Variants in EPSTI1 observed in about 807,000 individuals in gnomAD.
EPSTI1 encodes the protein epithelial stromal interaction 1, also known as epithelial-stromal interaction protein 1.
A neutral mutation model predicts 49.9 loss-of-function variants in EPSTI1; 66 were observed. The ratio of observed to expected loss-of-function variants is 1.32; its 90% CI spans 1.08 to 1.62. The LOEUF (loss-of-function observed/expected upper bound fraction) is 1.62, where lower values mean the gene tolerates loss of function less well. Among genes scored for constraint, EPSTI1 ranks in the 40% most tolerant of loss-of-function variants. The pLI is 0.00. For missense variants in EPSTI1, 394 were observed against 365.5 expected (o/e 1.08, Z -0.64); for synonymous variants, 137 against 130.7 (o/e 1.05, Z -0.33).
chr13:42,915,471 G>A (rs1471374148), intron 8 of EPSTI1, among the ~76,000 whole-genome samples: 1 of 152,204 alleles, frequency 6.6e-6, no homozygotes, highest in Non-Finnish European at 1.5e-5. Flanking sequence ...GGCGGAGGTT[G>A]CAGTGAGCCA....
chr13:42,913,513 T>G (rs752032299), intron 8 of EPSTI1, among the ~76,000 whole-genome samples: 14 of 152,218 alleles, frequency 9.2e-5, no homozygotes, highest in Non-Finnish European at 1.6e-4. Context: ...CTTCCCTTAG[T>G]CTCATTGGTC....
chr13:42,974,575 C>T (rs9533324), intron 1 of EPSTI1, among the ~76,000 whole-genome samples: 43,512 of 150,762 alleles, frequency 0.29, 6,270 homozygotes, highest in South Asian at 0.43. Context: ...AGGAGAATGG[C>T]GTGAACCAGG....
At chr13:42,929,211 G>A (rs79191609) in intron 6 of EPSTI1, among the ~76,000 whole-genome samples, 1,810 of 152,296 alleles carry the variant, frequency 0.012, 17 homozygotes, top group Non-Finnish European at 0.017. Context: ...TTGTTCCACT[G>A]TTGGATGTAA....
intron 1 of EPSTI1, among the ~76,000 whole-genome samples, chr13:42,978,838 T>A (rs1159168987): frequency 6.6e-6 from 1 of 152,192 alleles, no homozygotes; most frequent in Non-Finnish European, 1.5e-5. Context: ...CACTAGGACA[T>A]CTCCTTTCTT....
At chr13:42,989,671 G>A (rs1043619781) in intron 1 of EPSTI1, among the ~76,000 whole-genome samples, 3 of 147,916 alleles carry the variant, frequency 2.0e-5, no homozygotes, top group African/African-American at 5.0e-5. Context: ...TCGGCTCACT[G>A]CAAGCTCTGC....
chr13:42,948,167 G>A (rs1029081245), intron 6 of EPSTI1, among the ~76,000 whole-genome samples: 7 of 152,252 alleles, frequency 4.6e-5, no homozygotes, highest in African/African-American at 9.6e-5. Context: ...GGGTTAGGCC[G>A]GGAGGCCCAG....
chr13:42,906,171 A>G (rs1422222227), intron 8 of EPSTI1, among the ~76,000 whole-genome samples: 1 of 152,074 alleles, frequency 6.6e-6, no homozygotes, highest in African/African-American at 2.4e-5. Context: ...CCAGGTCAAT[A>G]ATAAGAAGAG....
intron 5 of EPSTI1, among the ~76,000 whole-genome samples, chr13:42,961,957 A>G (rs979545549): frequency 4.6e-5 from 7 of 152,278 alleles, no homozygotes; most frequent in African/African-American, 1.7e-4. Context: ...CACAGCCATT[A>G]TCACTTCCCT....
At chr13:42,959,878 G>A (rs1330072791) in intron 5 of EPSTI1, among the ~76,000 whole-genome samples, 1 of 152,198 alleles carries the variant, frequency 6.6e-6, no homozygotes, top group African/African-American at 2.4e-5. Context: ...TTCAGGGGAT[G>A]AGGAATAGAC....
chr13:42,898,582 GA>G (rs1566097993), intron 9 of EPSTI1, among the ~76,000 whole-genome samples: 1 of 151,986 alleles, frequency 6.6e-6, no homozygotes, highest in Non-Finnish European at 1.5e-5. Context: ...TCAAAAGAAA[GA>G]AAAAATAACG....
chr13:42,888,448 C>A lies in EPSTI1; in HGVS notation c.*46G>T. The A allele has an allele frequency of 6.2e-7, 1 of 1,613,978 alleles. No homozygotes were observed. The highest frequency in any genetic ancestry group is 8.5e-7 in the Non-Finnish European group (1 of 1,179,950). On this transcript the variant is annotated 3_prime_UTR_variant, in exon 11 of 11. Transcript: ENST00000313624. ...CATTAAGAAAAAGCATCTCATGAGG[C>A]TTTTCGAGGTCAGTTGATGAAGGCC... is the stretch of plus-strand genomic sequence containing the variant.
At position 42,930,485 on chromosome 13, in the gene EPSTI1, G is replaced by C. The variant is rs2038326846; in HGVS notation, c.564-4056C>G. On this transcript the variant is annotated intron_variant, in intron 6 of 10. Transcript: ENST00000313624. The stretch of plus-strand genomic sequence containing the variant: ...AGAGCCTATGTAAGTAAGAGAGTGA[G>C]AGATAATCTATTGGGATACACAAAA... 2.0e-5 allele frequency among the ~76,000 whole-genome samples: 3 copies of C among 152,322 alleles called. No homozygotes were observed. The South Asian group carries it at 6.2e-4, about 32-fold the overall frequency.
intron 7 of EPSTI1, 79 bp from the exon 8 acceptor site, chr13:42,917,703 T>G: frequency 9.6e-7 from 1 of 1,043,168 alleles, no homozygotes; most frequent in Non-Finnish European, 1.4e-6. Context: ...CCAAGCTGCC[T>G]ACTATAGGCC....
intron 6 of EPSTI1, among the ~76,000 whole-genome samples, chr13:42,933,203 A>G (rs933378333): frequency 2.6e-5 from 4 of 151,432 alleles, no homozygotes; most frequent in African/African-American, 9.7e-5. Flanking sequence ...TCATTGTACT[A>G]TGGTTGTATA....
At chr13:42,888,606 G>T in intron 10 of EPSTI1, 104 bp from the exon 11 acceptor site, 1 of 1,201,316 alleles carries the variant, frequency 8.3e-7, no homozygotes, top group South Asian at 1.6e-5. Context: ...TATGCATCAA[G>T]CTGAAATGAC....
chr13:42,904,935 G>A (rs2037456619), intron 8 of EPSTI1, among the ~76,000 whole-genome samples: 1 of 152,132 alleles, frequency 6.6e-6, no homozygotes, highest in East Asian at 1.9e-4. Flanking sequence ...GTGTGAATGG[G>A]CAAGAAAAGG....
intron 7 of EPSTI1, among the ~76,000 whole-genome samples, chr13:42,919,980 TTC>T (rs1163753419): frequency 1.3e-5 from 2 of 152,224 alleles, no homozygotes; most frequent in Non-Finnish European, 2.9e-5. Flanking sequence ...TTTTCCAGGC[TTC>T]TCTTTTTGGC....
chr13:42,908,469 G>A (rs9567064), intron 8 of EPSTI1, among the ~76,000 whole-genome samples: 21,080 of 139,972 alleles, frequency 0.15, 2,110 homozygotes, highest in East Asian at 0.5. Context: ...CTGGGTGACA[G>A]AGAGACTCTG....
chr13:42,891,206 T>G (rs1485396100), intron 10 of EPSTI1, among the ~76,000 whole-genome samples: 1 of 152,244 alleles, frequency 6.6e-6, no homozygotes, highest in Non-Finnish European at 1.5e-5. Context: ...ATACGGTCTT[T>G]GTCTAATTTT....
Sources: allele counts gnomAD v4.1 joint callset (sites outside exome capture counted in the v4.1 genomes callset), GRCh38; gene constraint gnomAD v4.1.1; transcripts MANE v1.5; gene names NCBI Gene and HGNC (gene_info 2026-07-23, HGNC 2026-07-21).